THRB: variants seen among roughly 807,000 people sequenced by gnomAD.
THRB encodes the protein thyroid hormone receptor beta.
A neutral mutation model predicts 47.8 loss-of-function variants in THRB; 12 were observed. The ratio of observed to expected loss-of-function variants is 0.25; its 90% confidence interval spans 0.16 to 0.41. The LOEUF (loss-of-function observed/expected upper bound fraction) is 0.41, where lower values mean the gene tolerates loss of function less well. THRB is among the 10% of genes least tolerant of loss of function. The probability of loss-of-function intolerance (pLI) is 1.00; values close to 1 mark genes in which losing one functional copy is unlikely to be tolerated. For synonymous variants in THRB, 218 were observed against 212.2 expected (o/e 1.03, Z -0.24); for missense variants, 348 against 589.2 (o/e 0.59, Z 4.24).
In THRB at chr3:24,282,039, C is replaced by T. The variant is rs1325519796; in HGVS notation, c.-43+15187G>A. Among the ~76,000 whole-genome samples, 250 of 128,760 alleles carry T rather than the reference C, an allele frequency of 1.9e-3. 1 individual carries two copies. The highest frequency in any genetic ancestry group is 3.6e-4 in the Non-Finnish European group (23 of 64,226). The allele number at this position is 128,760 out of a possible 152,430, so 84.5% of individuals were successfully genotyped here. On this transcript the variant is annotated intron_variant, in intron 3 of 10. Transcript: ENST00000646209. ...TAGACAGATCAACGAGACAGAAAGTCAACAAGGATACCCAGGAATTGAACT... is the reference window on the plus strand; with the variant it reads ...TAGACAGATCAACGAGACAGAAAGTTAACAAGGATACCCAGGAATTGAACT...
At chr3:24,220,164 G>A (rs1452152786) in intron 4 of THRB, among the ~76,000 whole-genome samples, 1 of 152,080 alleles carries the variant, frequency 6.6e-6, no homozygotes, top group Non-Finnish European at 1.5e-5. Context: ...TATTAAACTG[G>A]TCTAGGATGG....
intron 1 of THRB, among the ~76,000 whole-genome samples, chr3:24,442,117 T>G (rs1016203000): frequency 6.6e-6 from 1 of 152,220 alleles, no homozygotes; most frequent in African/African-American, 2.4e-5. Flanking sequence ...CCTCCAAACA[T>G]TACAAGTAAA....
In THRB at chr3:24,401,886, T is replaced by C. The variant is rs186761807; in HGVS notation, c.-260-64515A>G. The stretch of plus-strand genomic sequence containing the variant: ...CACCCAAAGATTCTGATGCACAAAT[T>C]TGAGAAGCTCTGCTCAATAGAGGAA... On this transcript the variant is annotated intron_variant, in intron 1 of 10. Coordinates refer to ENST00000646209, the MANE Select transcript of THRB (RefSeq NM_001354712.2). Among the ~76,000 whole-genome samples the C allele has an allele frequency of 2.3e-3, 349 of 152,072 alleles. 3 individuals carry two copies. The highest frequency in any genetic ancestry group is 7.8e-4 in the Non-Finnish European group (53 of 67,958).
chr3:24,262,892 C>T (rs898091278), intron 3 of THRB, among the ~76,000 whole-genome samples: 2 of 151,906 alleles, frequency 1.3e-5, no homozygotes, highest in African/African-American at 4.8e-5. Context: ...CTAGAAACTA[C>T]AATGGTGCTG....
chr3:24,229,146 G>A (rs2047997585), intron 3 of THRB, 145 bp from the exon 4 acceptor site: 1 of 599,846 alleles, frequency 1.7e-6, no homozygotes, highest in South Asian at 2.3e-5. Context: ...CGAAGCATAG[G>A]TGGGCTATGT....
chr3:24,396,818 C>A (rs796985288), intron 1 of THRB, among the ~76,000 whole-genome samples: 37 of 152,226 alleles, frequency 2.4e-4, no homozygotes, highest in African/African-American at 7.9e-4. Context: ...CAAAGTTTCA[C>A]AACTATAAAT....
rs187076737 is a variant in THRB at position 24,117,159 on chromosome 3, T to C, written c.*5725A>G. 6.6e-6 allele frequency: 1 copy of C among 152,364 alleles called. No homozygotes were observed. Among genetic ancestry groups the C allele is most frequent in the African/African-American group, 2.4e-5 (1 of 41,586 alleles). The allele number at this position is 152,364 out of a possible 1,614,324, so 9.4% of individuals were successfully genotyped here. ...GAAGAATGCGATCAAACACTTTCTT[T>C]GGAAGGTGTTTATTTGGTTCATGTC... On this transcript the variant is annotated 3_prime_UTR_variant, in exon 11 of 11. Transcript: ENST00000646209.
At chr3:24,366,291 C>T (rs964250642) in intron 1 of THRB, among the ~76,000 whole-genome samples, 14 of 152,256 alleles carry the variant, frequency 9.2e-5, no homozygotes, top group Middle Eastern at 3.4e-3. Flanking sequence ...ATCTTGCCTT[C>T]TGGGAACATG....
intron 1 of THRB, among the ~76,000 whole-genome samples, chr3:24,437,272 A>G (rs1283440269): frequency 6.6e-6 from 1 of 151,932 alleles, no homozygotes; most frequent in Non-Finnish European, 1.5e-5. Context: ...GTTAAGTGAA[A>G]TAACCCACCC....
At chr3:24,210,102 A>C (rs748710266) in intron 4 of THRB, among the ~76,000 whole-genome samples, 2 of 152,200 alleles carry the variant, frequency 1.3e-5, no homozygotes, top group Non-Finnish European at 2.9e-5. Context: ...CACTTAGGAC[A>C]ATGTGGCAAG....
chr3:24,162,125 A>G (rs2038946528), intron 5 of THRB, among the ~76,000 whole-genome samples: 2 of 151,938 alleles, frequency 1.3e-5, no homozygotes, highest in East Asian at 1.9e-4. Context: ...TCGGAATGTG[A>G]TTAGTATTTG....
chr3:24,165,052 C>G (rs1170453407), intron 5 of THRB: 4 of 760,622 alleles, frequency 5.3e-6, no homozygotes, highest in Admixed American at 3.4e-5. Flanking sequence ...ACGATGGCGA[C>G]TGCACTTGAG....
At chr3:24,409,243 A>T (rs2068079145) in intron 1 of THRB, among the ~76,000 whole-genome samples, 1 of 151,908 alleles carries the variant, frequency 6.6e-6, no homozygotes, top group African/African-American at 2.4e-5. Context: ...ACTGTAAGTT[A>T]AATTTGCACA....
chr3:24,395,429 C>T (rs1002169386), intron 1 of THRB, among the ~76,000 whole-genome samples: 7 of 151,882 alleles, frequency 4.6e-5, no homozygotes, highest in South Asian at 2.1e-4. Flanking sequence ...AATGATAAAA[C>T]GAATAATCCA....
At chr3:24,266,202 T>C (rs862247) in intron 3 of THRB, among the ~76,000 whole-genome samples, 134,447 of 152,172 alleles carry the variant, frequency 0.88, 59,823 homozygotes, top group African/African-American at 0.96. Context: ...ACTTAATGAA[T>C]GAACAAAAAC....
chr3:24,258,026 T>C (rs1287711205), intron 3 of THRB, among the ~76,000 whole-genome samples: 1 of 152,184 alleles, frequency 6.6e-6, no homozygotes, highest in East Asian at 1.9e-4. Context: ...GAGATCAAAT[T>C]GGTGACATAA....
At chr3:24,143,884 C>T (rs1439794617) in intron 7 of THRB, 178 bp from the exon 8 acceptor site, 1 of 660,852 alleles carries the variant, frequency 1.5e-6, no homozygotes, top group Non-Finnish European at 2.7e-6. Flanking sequence ...ATTGACTAGT[C>T]TTGTCCAACA....
intron 5 of THRB, among the ~76,000 whole-genome samples, chr3:24,186,510 C>T (rs59902896): frequency 0.022 from 3,382 of 152,248 alleles, 133 homozygotes; most frequent in African/African-American, 0.077. Flanking sequence ...GATACTCCAG[C>T]AGATTCAACA....
At chr3:24,174,380 T>C (rs1201377899) in intron 5 of THRB, among the ~76,000 whole-genome samples, 2 of 152,120 alleles carry the variant, frequency 1.3e-5, no homozygotes, top group African/African-American at 4.8e-5. Flanking sequence ...ACTATTTTAA[T>C]TAAACTAATC....
Sources: allele counts gnomAD v4.1 joint callset (sites outside exome capture counted in the v4.1 genomes callset), GRCh38; gene constraint gnomAD v4.1.1; transcripts MANE v1.5; gene names NCBI Gene and HGNC (gene_info 2026-07-23, HGNC 2026-07-21).